Variants in TMEM63A observed in about 807,000 individuals in gnomAD.
The protein encoded by TMEM63A is transmembrane protein 63A.
TMEM63A carries 76 observed loss-of-function variants against 100.6 expected under a neutral mutation model. The observed-to-expected ratio is 0.76, with a 90% CI of 0.63 to 0.91. The LOEUF is 0.91. Ranked by LOEUF, TMEM63A falls within the 40% of genes least tolerant of loss-of-function variation. The pLI is 0.00. For missense variants in TMEM63A, 876 were observed against 1,008.8 expected (o/e 0.87, Z 1.78); for synonymous variants, 401 against 401.1 (o/e 1.00, Z 0.00).
At position 225,868,047 on chromosome 1, in the gene TMEM63A, G is replaced by A. The variant is rs1670302348; in HGVS notation, c.372-17C>T. On this transcript the variant is annotated splice_polypyrimidine_tract_variant and intron_variant, in intron 6 of 24. Coordinates refer to ENST00000366835, the MANE Select transcript of TMEM63A (RefSeq NM_014698.3). Reference sequence around the variant, plus strand: ...TGGTCATCACTGGCCAAGACACAGAGGAATCTTAATGAGCAGTGGAACAGG... The same window carrying A: ...TGGTCATCACTGGCCAAGACACAGAAGAATCTTAATGAGCAGTGGAACAGG... The A allele has an allele frequency of 1.9e-6, 3 of 1,613,820 alleles. No individual in the cohort carries two copies. The highest frequency in any genetic ancestry group is 1.3e-5 in the African/African-American group (1 of 74,916).
At chr1:225,880,128 G>A (rs767776296) in intron 1 of TMEM63A, among the ~76,000 whole-genome samples, 2 of 152,140 alleles carry the variant, frequency 1.3e-5, no homozygotes, top group Non-Finnish European at 2.9e-5. Context: ...TATGAACTCA[G>A]GGAGGTGGCT....
chr1:225,853,737 C>T lies in TMEM63A; in HGVS notation c.1689G>A (p.Ser563=), dbSNP rs2292556. ...GCTCCATGCCATTGCCGATGAAGGC[C>T]GAGGCGATGACATAGTTCACAAAGA... ...GAFFVNYVIA[S]AFIGNGMELL... is the part of the protein sequence containing the mutation. The change falls in exon 19 of 25, where the codon TCG becomes TCA. Residue 563 remains serine (S), a synonymous_variant. Transcript: ENST00000366835. This position sits in a 1 kb window ranked among gnomAD's most constrained non-coding sequence, Gnocchi z 4.0. The T allele has an allele frequency of 0.045, 72,071 of 1,605,088 alleles. 2,145 individuals are homozygous for T. The highest frequency in any genetic ancestry group is 0.15 in the East Asian group (6,759 of 44,502).
In TMEM63A at chr1:225,850,024, G is replaced by C; in HGVS notation, c.1959C>G (p.Val653=). ...HMVDRHNLYF[V]YLPAKLEKGI... ...CCTTCTCCAGCTTGGCTGGGAGGTA[G>C]ACGAAGTAGAGGTTGTGCCGGTCCA... The change falls in exon 21 of 25, where the codon GTC becomes GTG. Residue 653 remains valine (V), a synonymous_variant. Coordinates refer to ENST00000366835, the MANE Select transcript of TMEM63A (RefSeq NM_014698.3). 1 of 1,614,240 alleles carries C rather than the reference G, an allele frequency of 6.2e-7. No homozygotes were observed. The highest frequency in any genetic ancestry group is 8.5e-7 in the Non-Finnish European group (1 of 1,180,048).
downstream of TMEM63A, chr1:225,844,639 C>T: frequency 6.2e-7 from 1 of 1,613,582 alleles, no homozygotes; most frequent in Non-Finnish European, 8.5e-7. Context: ...CCTGGCTGAG[C>T]CGAGAACAGG....
Position 225,865,957 on chromosome 1 carries a change from G to A in TMEM63A, c.686C>T (p.Thr229Ile), listed in dbSNP as rs1315814137. Residue 229 changes from threonine to isoleucine, a missense_variant, in exon 10 of 25, where the codon ACC becomes ATC. Around this residue, in one of 5 missense-constraint regions of TMEM63A, gnomAD observed 487 missense variants for 581.9 expected, o/e 0.84. Coordinates refer to ENST00000366835, the MANE Select transcript of TMEM63A (RefSeq NM_014698.3). The surrounding 1 kb of genome is among the most constrained non-coding windows in gnomAD (Gnocchi z 4.6). ...KYKEENLVRR[T>I]LFITGLPRDA... ...TCTGGGGAGTCCTGTGATGAACAGG[G>A]TCCGCCTCACCTGTCCGGGAAATAC... The A allele has an allele frequency of 6.2e-7, 1 of 1,613,944 alleles. No homozygotes were observed. Among genetic ancestry groups the A allele is most frequent in the African/African-American group, 1.3e-5 (1 of 75,010 alleles).
rs1035474320 is a variant in TMEM63A, at chr1:225,878,192, C to A, written c.-14-598G>T. ...CATCTGCTATACTTGGAAACCAAGC[C>A]TCAGAGGTTTAATAACTTGCCCCAA... On this transcript the variant is annotated intron_variant, in intron 2 of 24. Transcript: ENST00000366835. Among the ~76,000 whole-genome samples, 4 of 152,186 alleles carry A rather than the reference C, an allele frequency of 2.6e-5. No homozygotes were observed. In the South Asian group the frequency reaches 8.3e-4, roughly 32 times the overall value.
intron 14 of TMEM63A, 141 bp downstream of exon 14, chr1:225,860,719 A>T: frequency 9.1e-7 from 1 of 1,103,952 alleles, no homozygotes; most frequent in Non-Finnish European, 1.2e-6. Flanking sequence ...CACCGAGCAC[A>T]TCACAGCATC....
In TMEM63A at chr1:225,871,093, A is replaced by C; in HGVS notation, c.354T>G (p.Thr118=). The part of the protein sequence containing the change: ...ENELGCCPWL[T]AIFRLHDDQI... ...GTACTCACTGCAGACGGAAGATGGCAGTCAGCCAGGGACAGCATCCCTGGA... is the reference window on the plus strand; with the variant it reads ...GTACTCACTGCAGACGGAAGATGGCCGTCAGCCAGGGACAGCATCCCTGGA... Residue 118 remains threonine, a synonymous_variant, in exon 6 of 25, where the codon ACT becomes ACG. Coordinates refer to ENST00000366835, the MANE Select transcript of TMEM63A (RefSeq NM_014698.3). The C allele has an allele frequency of 6.2e-7, 1 of 1,614,114 alleles. No homozygotes were observed. The highest frequency in any genetic ancestry group is 8.5e-7 in the Non-Finnish European group (1 of 1,179,952).
At chr1:225,845,316 G>C (rs765780845), downstream of TMEM63A, 5 of 1,611,870 alleles carry the variant, frequency 3.1e-6, no homozygotes, top group Non-Finnish European at 3.4e-6. Flanking sequence ...CAGGACATCC[G>C]CAAGTTCCTG....
Position 225,867,954 on chromosome 1 carries a change from A to C in TMEM63A, c.448T>G (p.Leu150Val). ...LSFQRHIIFL[L>V]VVVSFLSLCV... Reference sequence around the variant, plus strand: ...AGGGACAAAAAGCTGACCACCACCAACAGGAAGATGATGTGCCTCTGGAAG... The same window carrying C: ...AGGGACAAAAAGCTGACCACCACCACCAGGAAGATGATGTGCCTCTGGAAG... Residue 150 changes from leucine (L) to valine (V), a missense_variant, in exon 7 of 25, where the codon TTG becomes GTG. By Grantham distance (32) the Leu-to-Val change is conservative (BLOSUM62 1). Transcript: ENST00000366835. The surrounding 1 kb of genome is among the most constrained non-coding windows in gnomAD (Gnocchi z 4.6). 1 of 1,614,182 alleles carries C rather than the reference A, an allele frequency of 6.2e-7. No individual in the cohort carries two copies. Among genetic ancestry groups the C allele is most frequent in the Non-Finnish European group, 8.5e-7 (1 of 1,180,028 alleles).
intron 15 of TMEM63A, among the ~76,000 whole-genome samples, chr1:225,858,814 T>C (rs1235618355): frequency 6.6e-6 from 1 of 152,114 alleles, no homozygotes; most frequent in Non-Finnish European, 1.5e-5. Flanking sequence ...ACAAAATCTA[T>C]ACAATTTTGA....
intron 14 of TMEM63A, 93 bp downstream of exon 14, chr1:225,860,767 T>C: frequency 2.1e-6 from 3 of 1,423,760 alleles, no homozygotes; most frequent in South Asian, 3.1e-5. Flanking sequence ...AGATCTCCAT[T>C]GACTGCCAGG....
Position 225,862,212 on chromosome 1 carries a change from A to G in TMEM63A, c.1085+6T>C. 6.2e-7 allele frequency: 1 copy of G among 1,613,542 alleles called. No homozygotes were observed. Among genetic ancestry groups the G allele is most frequent in the African/African-American group, 1.3e-5 (1 of 75,008 alleles). On this transcript the variant is annotated splice_donor_region_variant and intron_variant, in intron 13 of 24. Transcript: ENST00000366835. This position sits in a 1 kb window ranked among gnomAD's most constrained non-coding sequence, Gnocchi z 5.1. Reference sequence around the variant, plus strand: ...CAAGAAGGGGTCTGGATGTGCCTACACTCACTAGGTGGCCATGGACTTCTC... The same window carrying G: ...CAAGAAGGGGTCTGGATGTGCCTACGCTCACTAGGTGGCCATGGACTTCTC...
rs190187365 is a variant in TMEM63A at position 225,875,359 on chromosome 1, T to C, written c.187-992A>G. On this transcript the variant is annotated intron_variant, in intron 3 of 24. Coordinates refer to ENST00000366835, the MANE Select transcript of TMEM63A (RefSeq NM_014698.3). ...GTCCACCTTGGCAGGCTCCATGCCATGTTCCTGCCTCTCTTCCCTCCCTAG... is the reference window on the plus strand; with the variant it reads ...GTCCACCTTGGCAGGCTCCATGCCACGTTCCTGCCTCTCTTCCCTCCCTAG... 6.3e-4 allele frequency among the ~76,000 whole-genome samples: 96 copies of C among 152,350 alleles called. 1 individual carries two copies. Among genetic ancestry groups the C allele is most frequent in the Admixed American group, 4.9e-3 (75 of 15,300 alleles).
At chr1:225,852,562 G>T in intron 20 of TMEM63A, 102 bp downstream of exon 20, 2 of 1,066,252 alleles carry the variant, frequency 1.9e-6, no homozygotes, top group Non-Finnish European at 1.4e-6. Flanking sequence ...CTGTGGTTTT[G>T]GGAACTCCAT....
At chr1:225,852,845 T>C (rs1170857521) in intron 19 of TMEM63A, 76 bp from the exon 20 acceptor site, 24 of 1,350,676 alleles carry the variant, frequency 1.8e-5, no homozygotes, top group Non-Finnish European at 2.4e-5. Context: ...TAAGTGGTGA[T>C]GGGAGAGCAG....
At chr1:225,870,441 C>A (rs1402570943) in intron 6 of TMEM63A, among the ~76,000 whole-genome samples, 1 of 23,244 alleles carries the variant, frequency 4.3e-5, no homozygotes, top group Non-Finnish European at 9.0e-5. Flanking sequence ...CACATCAGTC[C>A]CCGCCCCCCC....
chr1:225,876,587 G>A (rs911068201), intron 3 of TMEM63A, among the ~76,000 whole-genome samples: 40 of 152,086 alleles, frequency 2.6e-4, no homozygotes, highest in Non-Finnish European at 4.9e-4. Flanking sequence ...GGAGATCTAC[G>A]TTAAAGAAAG....
intron 20 of TMEM63A, among the ~76,000 whole-genome samples, chr1:225,852,297 C>T (rs1272734393): frequency 6.6e-6 from 1 of 152,134 alleles, no homozygotes; most frequent in African/African-American, 2.4e-5. Context: ...CCAGGCTGGC[C>T]AACATGGTGA....
Sources: allele counts gnomAD v4.1 joint callset (sites outside exome capture counted in the v4.1 genomes callset), GRCh38; gene constraint gnomAD v4.1.1; regional missense constraint gnomAD v4.1.1; non-coding constraint Gnocchi (gnomAD v3.1); transcripts MANE v1.5; gene names NCBI Gene and HGNC (gene_info 2026-07-23, HGNC 2026-07-21).